GRIN2B: variants seen among roughly 807,000 people sequenced by gnomAD.
The protein encoded by GRIN2B is glutamate ionotropic receptor NMDA type subunit 2B.
GRIN2B carries 5 observed loss-of-function variants against 114.5 expected under a neutral mutation model. The observed-to-expected ratio is 0.04, with a 90% CI of 0.02 to 0.09. GRIN2B has a LOEUF of 0.09. GRIN2B is among the 10% of genes least tolerant of loss of function. GRIN2B has a pLI of 1.00. For missense variants in GRIN2B, 1,108 were observed against 1,943.5 expected, an observed-to-expected ratio of 0.57 and a Z score of 8.08; for synonymous variants, 787 against 745.1, an observed-to-expected ratio of 1.06 and a Z score of -0.92.
At chr12:13,633,266 T>A (rs955999321) in intron 5 of GRIN2B, among the ~76,000 whole-genome samples, 4 of 152,348 alleles carry the variant, frequency 2.6e-5, no homozygotes, top group East Asian at 1.9e-4. Context: ...TCATTTGACA[T>A]GCACATTCTC....
At chr12:13,772,742 C>G (rs1863928624) in intron 3 of GRIN2B, among the ~76,000 whole-genome samples, 1 of 152,148 alleles carries the variant, frequency 6.6e-6, no homozygotes, top group African/African-American at 2.4e-5. Flanking sequence ...AGACACAATT[C>G]TATCACAGGC....
chr12:13,901,790 C>T (rs559566176), intron 2 of GRIN2B, among the ~76,000 whole-genome samples: 1 of 152,072 alleles, frequency 6.6e-6, no homozygotes, highest in African/African-American at 2.4e-5. Flanking sequence ...TTGCTTTATA[C>T]ACAAAAAATT....
intron 9 of GRIN2B, among the ~76,000 whole-genome samples, chr12:13,611,494 G>C (rs984127091): frequency 6.6e-6 from 1 of 152,174 alleles, no homozygotes. Flanking sequence ...TTACTTGGGA[G>C]TGAAACTAGG....
intron 3 of GRIN2B, among the ~76,000 whole-genome samples, chr12:13,826,520 TCCAACAGTAAATTTCACCCCTCC>T (rs1227494593): frequency 5.3e-5 from 8 of 152,152 alleles, no homozygotes; most frequent in African/African-American, 1.9e-4. Context: ...ATAGGACACT[TCCAACAGTAAATTTCACCCCTCC>T]CCTCATTCTT....
intron 4 of GRIN2B, among the ~76,000 whole-genome samples, chr12:13,689,043 T>C (rs561969478): frequency 6.6e-6 from 1 of 152,290 alleles, no homozygotes; most frequent in South Asian, 2.1e-4. Context: ...CTTTATCTTT[T>C]CTCTTATTTT....
intron 10 of GRIN2B, among the ~76,000 whole-genome samples, chr12:13,588,660 C>T (rs1033821973): frequency 6.6e-6 from 1 of 152,186 alleles, no homozygotes; most frequent in Non-Finnish European, 1.5e-5. Flanking sequence ...AAAAATCATG[C>T]AGTTCTACCT....
Position 13,753,297 on chromosome 12 carries a change from GC to G in GRIN2B, c.1010+19del. 7.6e-7 allele frequency: 1 copy of G among 1,317,700 alleles called. No homozygotes were observed. The highest frequency in any genetic ancestry group is 1.1e-6 in the Non-Finnish European group (1 of 909,562). 81.6% of individuals were successfully genotyped at this position (1,317,700 alleles called of 1,614,324 possible). A position where few individuals can be genotyped will look rare whatever the true frequency, so the allele number is the denominator to read the frequency against. On this transcript the variant is annotated intron_variant, in intron 4 of 13. Transcript: ENST00000609686. The surrounding 1 kb of genome is among the most constrained non-coding windows in gnomAD (Gnocchi z 6.2). ...CCCCTCTCATCTCCACCATCAATGTGCCCTCTGTTCCACACTCACCTATTTA... is the reference window on the plus strand; with the variant it reads ...CCCCTCTCATCTCCACCATCAATGTGCCTCTGTTCCACACTCACCTATTTA...
At chr12:13,789,553 C>T (rs1864281877) in intron 3 of GRIN2B, among the ~76,000 whole-genome samples, 2 of 151,942 alleles carry the variant, frequency 1.3e-5, no homozygotes, top group South Asian at 4.2e-4. Context: ...TTTTTTTAGT[C>T]GCTCTGAATA....
At chr12:13,651,514 A>G (rs1356444440) in intron 5 of GRIN2B, among the ~76,000 whole-genome samples, 2 of 152,122 alleles carry the variant, frequency 1.3e-5, no homozygotes, top group Admixed American at 6.6e-5. Context: ...TGGTGGCTCA[A>G]TGAATATTAG....
chr12:13,602,399 GTCTGAGCGAGATGT>G (rs1949172675), intron 10 of GRIN2B, among the ~76,000 whole-genome samples: 1 of 152,166 alleles, frequency 6.6e-6, no homozygotes, highest in African/African-American at 2.4e-5. Flanking sequence ...GTATTCCATG[GTCTGAGCGAGATGT>G]TCTGGGCCAG....
Position 13,552,908 on chromosome 12 carries a change from A to G in GRIN2B, c.*9875T>C, listed in dbSNP as rs2160518. On this transcript the variant is annotated 3_prime_UTR_variant, in exon 14 of 14. Coordinates refer to ENST00000609686, the MANE Select transcript of GRIN2B (RefSeq NM_000834.5). ...AGTGGACTTTCTTCACTTTTTTTTT[A>G]AAAAAAGAGACTTGTCACTGCCTGT... 1.3e-5 allele frequency: 2 copies of G among 151,052 alleles called. No individual in the cohort carries two copies. The highest frequency in any genetic ancestry group is 2.0e-4 in the East Asian group (1 of 5,124). 9.4% of individuals were successfully genotyped at this position (151,052 alleles called of 1,614,324 possible). A position where few individuals can be genotyped will look rare whatever the true frequency, so the allele number is the denominator to read the frequency against.
chr12:13,814,851 C>T (rs953874051), intron 3 of GRIN2B, among the ~76,000 whole-genome samples: 2 of 152,172 alleles, frequency 1.3e-5, no homozygotes, highest in African/African-American at 4.8e-5. Context: ...GTACTGGTCA[C>T]TACAGGAACT....
intron 5 of GRIN2B, among the ~76,000 whole-genome samples, chr12:13,655,020 G>A (rs187178076): frequency 5.9e-5 from 9 of 152,230 alleles, no homozygotes; most frequent in Non-Finnish European, 1.3e-4. Context: ...AAAAATGTCA[G>A]TCTTCCACAG....
intron 5 of GRIN2B, among the ~76,000 whole-genome samples, chr12:13,626,420 G>T (rs995571264): frequency 6.6e-6 from 1 of 152,148 alleles, no homozygotes; most frequent in Admixed American, 6.5e-5. Context: ...GATACTGCTT[G>T]TCATCAGGTT....
At chr12:13,744,463 TAGAA>T (rs1741345310) in intron 4 of GRIN2B, among the ~76,000 whole-genome samples, 1 of 151,980 alleles carries the variant, frequency 6.6e-6, no homozygotes, top group African/African-American at 2.4e-5. Flanking sequence ...TTTATGAACA[TAGAA>T]AGGTAAAGGC....
In GRIN2B at chr12:13,588,776, G is replaced by A. The variant is rs539942025; in HGVS notation, c.2011-16812C>T. On this transcript the variant is annotated intron_variant, in intron 10 of 13. Transcript: ENST00000609686. ...TGTGGAATGGATGTGGTCAGGCTGC[G>A]TTATACACCAGTAGGAGGGCTTCTG... 2.1e-4 allele frequency among the ~76,000 whole-genome samples: 32 copies of A among 152,292 alleles called. 1 individual carries two copies. The highest frequency in any genetic ancestry group is 2.0e-3 in the Admixed American group (31 of 15,298).
Position 13,559,233 on chromosome 12 carries a change from G to A in GRIN2B, c.*3550C>T, listed in dbSNP as rs1200472430. ...GCAGACCATGAGTAACTTAGTCCCAGTGCAAATATCCAGTTGAAGAAAAGC... is the reference window on the plus strand; with the variant it reads ...GCAGACCATGAGTAACTTAGTCCCAATGCAAATATCCAGTTGAAGAAAAGC... On this transcript the variant is annotated 3_prime_UTR_variant, in exon 14 of 14. Coordinates refer to ENST00000609686, the MANE Select transcript of GRIN2B (RefSeq NM_000834.5). The A allele has an allele frequency of 1.3e-5, 2 of 152,150 alleles. No homozygotes were observed. Among genetic ancestry groups the A allele is most frequent in the South Asian group, 2.1e-4 (1 of 4,830 alleles). The allele number at this position is 152,150 out of a possible 1,614,324, so 9.4% of individuals were successfully genotyped here.
chr12:13,768,838 T>A (rs1863850098), intron 3 of GRIN2B, among the ~76,000 whole-genome samples: 1 of 152,062 alleles, frequency 6.6e-6, no homozygotes, highest in Admixed American at 6.5e-5. Context: ...ATTGAGACCA[T>A]CTTGGCTAAC....
chr12:13,889,325 G>T (rs1866219797), intron 2 of GRIN2B, among the ~76,000 whole-genome samples: 1 of 152,114 alleles, frequency 6.6e-6, no homozygotes, highest in African/African-American at 2.4e-5. Flanking sequence ...GCACACAATT[G>T]TACATTACAT....
Sources: gnomAD v4.1 joint callset for allele counts (sites outside exome capture counted in the v4.1 genomes callset) on GRCh38, gnomAD v4.1.1 for gene constraint, Gnocchi (gnomAD v3.1) non-coding constraint, MANE v1.5 for transcripts, NCBI Gene and HGNC (gene_info 2026-07-23, HGNC 2026-07-21) for gene names.